ASXL3: variants seen among roughly 807,000 people sequenced by gnomAD.
The protein encoded by ASXL3 is putative Polycomb group protein ASXL3.
Under a neutral mutation model 170.6 loss-of-function variants are expected in ASXL3, and 34 were observed. The ratio of observed to expected loss-of-function variants is 0.20; its 90% CI spans 0.15 to 0.27. The LOEUF (loss-of-function observed/expected upper bound fraction) is 0.27, where lower values mean the gene tolerates loss of function less well. Among genes scored for constraint, ASXL3 ranks in the 10% least tolerant of loss-of-function variants. The pLI is 1.00. For missense variants in ASXL3, 2,592 were observed against 2,695.3 expected (o/e 0.96, Z 0.85); for synonymous variants, 1,002 against 989.1 (o/e 1.01, Z -0.24).
intron 8 of ASXL3, among the ~76,000 whole-genome samples, chr18:33,709,740 A>G (rs546601555): frequency 1.2e-4 from 18 of 152,306 alleles, no homozygotes; most frequent in East Asian, 3.9e-4. Flanking sequence ...TTCACTTTCT[A>G]TATATGTTAC....
intron 7 of ASXL3, among the ~76,000 whole-genome samples, chr18:33,680,319 A>T (rs2066495604): frequency 6.6e-6 from 1 of 152,110 alleles, no homozygotes; most frequent in Non-Finnish European, 1.5e-5. Flanking sequence ...TTTGGGACAG[A>T]AAGATGAGGC....
chr18:33,602,810 T>A (rs2065198300), intron 1 of ASXL3, among the ~76,000 whole-genome samples: 1 of 126,164 alleles, frequency 7.9e-6, no homozygotes, highest in East Asian at 2.3e-4. Context: ...GAGGATCAAA[T>A]AAAATAACAT....
chr18:33,743,967 G>T lies in ASXL3; in HGVS notation c.4119G>T (p.Lys1373Asn), dbSNP rs748022015. The T allele has an allele frequency of 1.2e-6, 2 of 1,614,044 alleles. No homozygotes were observed. Among genetic ancestry groups the T allele is most frequent in the Non-Finnish European group, 1.7e-6 (2 of 1,179,902 alleles). The change falls in exon 12 of 12, where the codon AAG (lysine) becomes AAT (asparagine). Residue 1373 changes from lysine (K) to asparagine (N), a missense_variant. Physicochemically the swap from Lys to Asn is moderately conservative, Grantham distance 94 (BLOSUM62 0). This residue lies in a region of ASXL3 where 2,246 missense variants were observed against 2,219.6 expected (regional missense o/e 1.01). Transcript: ENST00000269197. ...MGINNRFPSE[K>N]IAIPGSEEQA... ...TTAACAACAGATTTCCTTCTGAGAA[G>T]ATAGCCATACCTGGGAGTGAAGAAC...
At chr18:33,666,503 T>C (rs2066258127) in intron 5 of ASXL3, among the ~76,000 whole-genome samples, 1 of 152,190 alleles carries the variant, frequency 6.6e-6, no homozygotes. Flanking sequence ...TCTAGAGTGA[T>C]CTTCTTAATC....
At chr18:33,737,993 G>C (rs1392669099) in intron 10 of ASXL3, among the ~76,000 whole-genome samples, 5 of 151,900 alleles carry the variant, frequency 3.3e-5, no homozygotes, top group African/African-American at 1.2e-4. Context: ...CTAATACTTT[G>C]TTGTATGTAA....
rs111494780 is a variant in ASXL3 at position 33,734,389 on chromosome 18, A to G, written c.1056A>G (p.Lys352=). 3.6e-4 allele frequency: 578 copies of G among 1,606,434 alleles called. No homozygotes were observed. The highest frequency in any genetic ancestry group is 2.5e-3 in the African/African-American group (189 of 74,620). The change falls in exon 10 of 12, where the codon AAA becomes AAG. Residue 352 remains lysine (K), a synonymous_variant. Coordinates refer to ENST00000269197, the MANE Select transcript of ASXL3 (RefSeq NM_030632.3). ...AGAAAACAGAACCTTGGAAAGAAAAATTCTTTGAGAGGTTTTATGGAGAAA... is the reference window on the plus strand; with the variant it reads ...AGAAAACAGAACCTTGGAAAGAAAAGTTCTTTGAGAGGTTTTATGGAGAAA... ...KEKKTEPWKE[K]FFERFYGEKL...
chr18:33,659,041 C>T (rs1353043971), intron 4 of ASXL3, among the ~76,000 whole-genome samples: 4 of 152,042 alleles, frequency 2.6e-5, no homozygotes, highest in Non-Finnish European at 4.4e-5. Flanking sequence ...TATGCTGATA[C>T]TGAAATAGGT....
intron 8 of ASXL3, among the ~76,000 whole-genome samples, chr18:33,689,769 C>T (rs2066658126): frequency 6.6e-6 from 1 of 152,044 alleles, no homozygotes; most frequent in African/African-American, 2.4e-5. Context: ...TGCTCCTTTC[C>T]CTTTTGTAAT....
At position 33,746,766 on chromosome 18, in the gene ASXL3, G is replaced by A. The variant is rs1027479577; in HGVS notation, c.*171G>A. 4.5e-6 allele frequency: 5 copies of A among 1,101,778 alleles called. No individual in the cohort carries two copies. In the African/African-American group the frequency reaches 7.9e-5, roughly 17 times the overall value. 68.3% of individuals were successfully genotyped at this position (1,101,778 alleles called of 1,614,324 possible). ...TTGCATTTCTCATAAAGGGGAGGAT[G>A]CATCCCAACTGAATGGCTCACTGGC... On this transcript the variant is annotated 3_prime_UTR_variant, in exon 12 of 12. Transcript: ENST00000269197.
rs2065470642 is a variant in ASXL3, at chr18:33,619,055, A to G, written c.137+11379A>G. 5.3e-5 allele frequency among the ~76,000 whole-genome samples: 8 copies of G among 152,318 alleles called. No homozygotes were observed. The South Asian group carries it at 1.4e-3, about 28-fold the overall frequency. On this transcript the variant is annotated intron_variant, in intron 2 of 11. Coordinates refer to ENST00000269197, the MANE Select transcript of ASXL3 (RefSeq NM_030632.3). ...TTAGGCTTAATGCCAAGGACTTTACATAAATTACCTTGAAACAAAAGATTT... is the reference window on the plus strand; with the variant it reads ...TTAGGCTTAATGCCAAGGACTTTACGTAAATTACCTTGAAACAAAAGATTT...
At position 33,738,122 on chromosome 18, in the gene ASXL3, G is replaced by C. The variant is rs147200906; in HGVS notation, c.1083-365G>C. Among the ~76,000 whole-genome samples the C allele has an allele frequency of 9.2e-5, 14 of 151,886 alleles. No individual in the cohort carries two copies. In the East Asian group the frequency reaches 1.6e-3, roughly 17 times the overall value. ...TAGTTGAGATTATAAAAGCAGCAAA[G>C]AAGCATCATCATTATAAACTGGTTT... On this transcript the variant is annotated intron_variant, in intron 10 of 11. Coordinates refer to ENST00000269197, the MANE Select transcript of ASXL3 (RefSeq NM_030632.3).
chr18:33,582,892 T>C lies in ASXL3; in HGVS notation c.54+4207T>C, dbSNP rs561033827. ...TTAAAATTTGGTAAATCATATTGTG[T>C]TAAAAATTAATCTACACTGAACAAA... On this transcript the variant is annotated intron_variant, in intron 1 of 11. Transcript: ENST00000269197. 9.2e-5 allele frequency among the ~76,000 whole-genome samples: 14 copies of C among 152,142 alleles called. No homozygotes were observed. The South Asian group carries it at 2.9e-3, about 32-fold the overall frequency.
Position 33,670,696 on chromosome 18 carries a change from A to C in ASXL3, c.501A>C (p.Arg167Ser). The change falls in exon 6 of 12, where the codon AGA becomes AGC. Residue 167 changes from arginine (R) to serine (S), a missense_variant. Physicochemically the swap from Arg to Ser is moderately radical, Grantham distance 110 (BLOSUM62 -1). Coordinates refer to ENST00000269197, the MANE Select transcript of ASXL3 (RefSeq NM_030632.3). ...AGGCTTTGAGGCAGCAGCAGAAAAG[A>C]AGAAATGGAGTCTCAATGATGGTAA... ...LKQALRQQQK[R>S]RNGVSMMVNK... The C allele has an allele frequency of 6.4e-7, 1 of 1,566,638 alleles. No homozygotes were observed. The highest frequency in any genetic ancestry group is 8.7e-7 in the Non-Finnish European group (1 of 1,154,746).
intron 1 of ASXL3, chr18:33,579,118 C>G (rs1316546073): frequency 1.3e-5 from 2 of 153,172 alleles, no homozygotes; most frequent in Non-Finnish European, 2.9e-5. Context: ...GTATGTTCGG[C>G]GTTTGTGAGT....
intron 2 of ASXL3, among the ~76,000 whole-genome samples, chr18:33,611,833 T>C (rs1236830503): frequency 6.6e-6 from 1 of 152,034 alleles, no homozygotes; most frequent in African/African-American, 2.4e-5. Context: ...TTTGATTTGC[T>C]CATTCAGAGG....
chr18:33,685,488 T>G (rs1051104989), intron 8 of ASXL3, among the ~76,000 whole-genome samples: 19 of 152,340 alleles, frequency 1.2e-4, no homozygotes, highest in Middle Eastern at 3.4e-3. Flanking sequence ...TACAACAATT[T>G]CTTCCACTTC....
At chr18:33,737,317 G>A (rs1469932449) in intron 10 of ASXL3, among the ~76,000 whole-genome samples, 1 of 152,048 alleles carries the variant, frequency 6.6e-6, no homozygotes, top group Admixed American at 6.6e-5. Context: ...TTTTCACTGA[G>A]GTATTGTTTG....
intron 1 of ASXL3, among the ~76,000 whole-genome samples, chr18:33,591,211 A>G (rs753017395): frequency 5.9e-5 from 9 of 152,210 alleles, no homozygotes; most frequent in Non-Finnish European, 1.2e-4. Flanking sequence ...AATGAATCAA[A>G]TATAGTGTTT....
intron 2 of ASXL3, among the ~76,000 whole-genome samples, chr18:33,638,370 T>C (rs2065801664): frequency 6.6e-6 from 1 of 152,026 alleles, no homozygotes; most frequent in Non-Finnish European, 1.5e-5. Context: ...GCCTCTATCA[T>C]ATTTTCTTTA....
Sources: allele counts gnomAD v4.1 joint callset (sites outside exome capture counted in the v4.1 genomes callset), GRCh38; gene constraint gnomAD v4.1.1; regional missense constraint gnomAD v4.1.1; transcripts MANE v1.5; gene names NCBI Gene and HGNC (gene_info 2026-07-23, HGNC 2026-07-21).